Variants in DCAF4 observed in about 807,000 individuals in gnomAD.
DCAF4 encodes the protein DDB1- and CUL4-associated factor 4.
Under a neutral mutation model 60.9 loss-of-function variants are expected in DCAF4, and 37 were observed. The ratio of observed to expected loss-of-function variants is 0.61; its 90% CI spans 0.47 to 0.80. DCAF4 has a LOEUF of 0.80. Among genes scored for constraint, DCAF4 ranks in the 30% least tolerant of loss-of-function variants. The pLI, the probability that DCAF4 is intolerant of heterozygous loss-of-function variation, is 0.00. For missense variants in DCAF4, 577 were observed against 650.0 expected, an observed-to-expected ratio of 0.89 and a Z score of 1.22; for synonymous variants, 243 against 254.8, an observed-to-expected ratio of 0.95 and a Z score of 0.44.
intron 7 of DCAF4, 95 bp downstream of exon 7, chr14:72,946,122 G>C (rs564241883): frequency 1.4e-6 from 2 of 1,452,846 alleles, no homozygotes; most frequent in Admixed American, 3.8e-5. Flanking sequence ...GAAGAGGGCA[G>C]AGCATACTTA....
At chr14:72,947,949 G>A (rs958157545) in intron 8 of DCAF4, among the ~76,000 whole-genome samples, 1 of 152,132 alleles carries the variant, frequency 6.6e-6, no homozygotes, top group Non-Finnish European at 1.5e-5. Context: ...AAAACCACAT[G>A]TTAATGACTC....
chr14:72,960,776 A>T, downstream of DCAF4: 1 of 671,052 alleles, frequency 1.5e-6, no homozygotes, highest in Admixed American at 5.4e-5. Flanking sequence ...GAAGAGGCCC[A>T]GGGACTGCAT....
chr14:72,931,183 T>A (rs993979851), intron 1 of DCAF4, among the ~76,000 whole-genome samples: 3 of 152,224 alleles, frequency 2.0e-5, no homozygotes, highest in Non-Finnish European at 4.4e-5. Context: ...AATCTGTAAT[T>A]TCTTTCAACA....
chr14:72,950,975 G>C (rs1567320147), intron 8 of DCAF4, among the ~76,000 whole-genome samples: 1 of 151,886 alleles, frequency 6.6e-6, no homozygotes, highest in Non-Finnish European at 1.5e-5. Context: ...GGCTTTTTGG[G>C]CTTTTTAATA....
chr14:72,957,179 T>C (rs1445167230), intron 13 of DCAF4: 2 of 152,426 alleles, frequency 1.3e-5, no homozygotes, highest in Non-Finnish European at 2.9e-5. Flanking sequence ...GCCACTGCAC[T>C]CCAGCCTGGC....
intron 12 of DCAF4, 121 bp downstream of exon 12, chr14:72,955,817 A>G (rs1487372293): frequency 1.6e-5 from 15 of 943,246 alleles, no homozygotes; most frequent in African/African-American, 6.6e-5. Flanking sequence ...TTCGCTGAAG[A>G]CCAAGTGATT....
intron 1 of DCAF4, among the ~76,000 whole-genome samples, chr14:72,928,263 G>A (rs931542380): frequency 7.2e-6 from 1 of 138,588 alleles, no homozygotes; most frequent in Non-Finnish European, 1.5e-5. Context: ...GCGCGATCTC[G>A]GCTCACCGCA....
chr14:72,949,318 T>C (rs1891119653), intron 8 of DCAF4, among the ~76,000 whole-genome samples: 1 of 152,108 alleles, frequency 6.6e-6, no homozygotes, highest in Non-Finnish European at 1.5e-5. Context: ...TAGCTGAGCA[T>C]CATGGTGCAT....
At chr14:72,946,076 AGTT>A (rs750197043) in intron 7 of DCAF4, 49 bp downstream of exon 7, 2 of 1,313,548 alleles carry the variant, frequency 1.5e-6, no homozygotes, top group Admixed American at 3.9e-5. Context: ...CCCTGGGGGT[AGTT>A]GGCCAAATTC....
intron 2 of DCAF4, 36 bp from the exon 3 acceptor site, chr14:72,939,766 C>T: frequency 1.3e-6 from 2 of 1,572,028 alleles, no homozygotes; most frequent in Non-Finnish European, 1.7e-6. Context: ...GAACTCAAGT[C>T]CTGGGCTGCA....
downstream of DCAF4, chr14:72,960,679 A>T: frequency 9.4e-7 from 1 of 1,065,466 alleles, no homozygotes; most frequent in Non-Finnish European, 1.2e-6. Flanking sequence ...ATACCTCAAC[A>T]GGAGAAGTTG....
At chr14:72,947,623 A>C (rs1211496488) in intron 8 of DCAF4, among the ~76,000 whole-genome samples, 1 of 152,248 alleles carries the variant, frequency 6.6e-6, no homozygotes, top group Non-Finnish European at 1.5e-5. Context: ...AGAAAGGAGC[A>C]GCACAGCCTT....
intron 2 of DCAF4, among the ~76,000 whole-genome samples, chr14:72,939,127 C>T (rs1889688138): frequency 6.6e-6 from 1 of 152,002 alleles, no homozygotes; most frequent in African/African-American, 2.4e-5. Flanking sequence ...ACCAAGGCAG[C>T]CGGATCACTT....
chr14:72,951,978 G>C, intron 9 of DCAF4, 101 bp downstream of exon 9: 2 of 1,266,126 alleles, frequency 1.6e-6, no homozygotes, highest in Non-Finnish European at 1.1e-6. Context: ...GAGGCACTGT[G>C]GGAGGATTCC....
downstream of DCAF4, among the ~76,000 whole-genome samples, chr14:72,961,106 T>C (rs1299136427): frequency 6.6e-6 from 1 of 151,998 alleles, no homozygotes; most frequent in African/African-American, 2.4e-5. Flanking sequence ...AGGCTGGTCT[T>C]GAACTCCTAG....
At chr14:72,932,631 A>G (rs921183301) in intron 1 of DCAF4, among the ~76,000 whole-genome samples, 4 of 152,248 alleles carry the variant, frequency 2.6e-5, no homozygotes, top group Admixed American at 1.3e-4. Flanking sequence ...CATCTAGAGC[A>G]GCTCCAAAGG....
At chr14:72,953,076 C>A (rs1891652005) in intron 9 of DCAF4, among the ~76,000 whole-genome samples, 1 of 141,424 alleles carries the variant, frequency 7.1e-6, no homozygotes, top group Non-Finnish European at 1.5e-5. Context: ...TCTCAGTTCA[C>A]CGCAACCTCC....
intron 1 of DCAF4, among the ~76,000 whole-genome samples, chr14:72,928,585 T>TTATATATATATATATATA (rs57258334): frequency 3.1e-4 from 5 of 15,934 alleles, no homozygotes; most frequent in African/African-American, 4.7e-4. Flanking sequence ...TAAACATCCT[T>TTATATATATATATATATA]TATATATATA....
At chr14:72,930,817 A>C (rs897570853) in intron 1 of DCAF4, among the ~76,000 whole-genome samples, 1 of 152,164 alleles carries the variant, frequency 6.6e-6, no homozygotes, top group African/African-American at 2.4e-5. Context: ...ATCCAAATTC[A>C]TTCTTTTGCA....
Sources: gnomAD v4.1 joint callset for allele counts (sites outside exome capture counted in the v4.1 genomes callset) on GRCh38, gnomAD v4.1.1 for gene constraint, MANE v1.5 for transcripts, NCBI Gene and HGNC (gene_info 2026-07-23, HGNC 2026-07-21) for gene names.